The following NCALD variants were observed in gnomAD, a reference collection of about 807,000 sequenced individuals.
NCALD encodes the protein neurocalcin-delta.
A neutral mutation model predicts 18.6 loss-of-function variants in NCALD; 10 were observed. That is an observed-to-expected ratio of 0.54 (90% CI 0.33 to 0.91). The LOEUF (loss-of-function observed/expected upper bound fraction) is 0.91. Among genes scored for constraint, NCALD ranks in the 40% least tolerant of loss-of-function variants. The probability of loss-of-function intolerance (pLI) is 0.03; values close to 1 mark genes in which losing one functional copy is unlikely to be tolerated. For synonymous variants in NCALD, 88 were observed against 87.4 expected, an observed-to-expected ratio of 1.01 and a Z score of -0.04; for missense variants, 184 against 247.6, an observed-to-expected ratio of 0.74 and a Z score of 1.72.
intron 1 of NCALD, among the ~76,000 whole-genome samples, chr8:102,089,394 A>C (rs1824849792): frequency 6.8e-6 from 1 of 147,668 alleles, no homozygotes; most frequent in South Asian, 2.1e-4. Context: ...ACTTAGTCTC[A>C]AAGGAAAAAA....
At chr8:101,874,865 AG>A (rs1816166474) in intron 4 of NCALD, among the ~76,000 whole-genome samples, 1 of 152,118 alleles carries the variant, frequency 6.6e-6, no homozygotes, top group African/African-American at 2.4e-5. Context: ...CTTCCTAAGT[AG>A]AACAGGAGGG....
chr8:101,831,329 A>T (rs937952310), intron 4 of NCALD, among the ~76,000 whole-genome samples: 2 of 152,116 alleles, frequency 1.3e-5, no homozygotes, highest in African/African-American at 4.8e-5. Flanking sequence ...AGCCATGCCA[A>T]TGTCAGATAT....
intron 1 of NCALD, among the ~76,000 whole-genome samples, chr8:101,722,033 G>A (rs924190935): frequency 5.9e-5 from 9 of 151,988 alleles, no homozygotes; most frequent in African/African-American, 2.2e-4. Context: ...GTAGAGATGG[G>A]GGTCTCACTT....
chr8:102,093,299 AAT>A (rs1270389835), intron 1 of NCALD, among the ~76,000 whole-genome samples: 1 of 152,210 alleles, frequency 6.6e-6, no homozygotes, highest in Non-Finnish European at 1.5e-5. Flanking sequence ...GGGTCTGAAT[AAT>A]AGTTTGATTA....
chr8:101,975,223 T>C (rs575411151), intron 2 of NCALD: 3 of 152,214 alleles, frequency 2.0e-5, no homozygotes, highest in African/African-American at 7.2e-5. Context: ...TAAGAAAAAA[T>C]TGTGTGTACT....
chr8:101,874,939 A>ATGAT (rs1269634765), intron 4 of NCALD, among the ~76,000 whole-genome samples: 4 of 152,218 alleles, frequency 2.6e-5, no homozygotes, highest in Admixed American at 1.3e-4. Context: ...AATGGAAACA[A>ATGAT]TGATTCTCCT....
At chr8:101,891,706 G>A (rs779396309) in intron 3 of NCALD, among the ~76,000 whole-genome samples, 33 of 152,342 alleles carry the variant, frequency 2.2e-4, no homozygotes, top group Non-Finnish European at 3.2e-4. Flanking sequence ...CTTGGGAAGC[G>A]CAAGGGGTCA....
intron 1 of NCALD, among the ~76,000 whole-genome samples, chr8:102,098,863 T>C (rs1270347452): frequency 6.6e-6 from 1 of 152,210 alleles, no homozygotes; most frequent in Non-Finnish European, 1.5e-5. Flanking sequence ...GCCACAGTGA[T>C]TGGCTCAGGG....
At chr8:101,936,759 G>A (rs566525542) in intron 2 of NCALD, among the ~76,000 whole-genome samples, 9 of 152,098 alleles carry the variant, frequency 5.9e-5, no homozygotes, top group African/African-American at 9.7e-5. Flanking sequence ...GTTGAGAACC[G>A]CTGGTCTAGG....
intron 1 of NCALD, among the ~76,000 whole-genome samples, chr8:102,068,111 G>A (rs1165872124): frequency 1.3e-5 from 2 of 152,064 alleles, no homozygotes; most frequent in East Asian, 3.9e-4. Context: ...AAAGGAGAGT[G>A]AGAGAGAGAG....
intron 2 of NCALD, among the ~76,000 whole-genome samples, chr8:101,926,255 C>G (rs891930094): frequency 6.6e-6 from 1 of 152,240 alleles, no homozygotes; most frequent in Non-Finnish European, 1.5e-5. Flanking sequence ...TCCCTTGGTT[C>G]TCAACTTTCC....
At chr8:101,996,497 T>C (rs1049865871) in intron 2 of NCALD, among the ~76,000 whole-genome samples, 1 of 152,208 alleles carries the variant, frequency 6.6e-6, no homozygotes, top group African/African-American at 2.4e-5. Flanking sequence ...CACAACAATA[T>C]CTTCTTTGGT....
chr8:102,078,986 T>C (rs1824438464), intron 1 of NCALD, among the ~76,000 whole-genome samples: 1 of 152,160 alleles, frequency 6.6e-6, no homozygotes, highest in Non-Finnish European at 1.5e-5. Flanking sequence ...TGGTGAGTTG[T>C]AGACTGCAGA....
At chr8:101,848,272 GT>G (rs1285526951) in intron 4 of NCALD, among the ~76,000 whole-genome samples, 1 of 152,116 alleles carries the variant, frequency 6.6e-6, no homozygotes, top group African/African-American at 2.4e-5. Flanking sequence ...GCAGCAGGGA[GT>G]TACAGGGACC....
intron 1 of NCALD, among the ~76,000 whole-genome samples, chr8:102,040,757 C>G (rs1201971082): frequency 6.6e-6 from 1 of 152,172 alleles, no homozygotes; most frequent in Non-Finnish European, 1.5e-5. Context: ...CCACTATGAT[C>G]AGCATTACAT....
intron 1 of NCALD, among the ~76,000 whole-genome samples, chr8:102,076,413 G>A (rs901099963): frequency 6.6e-6 from 1 of 152,144 alleles, no homozygotes; most frequent in Non-Finnish European, 1.5e-5. Flanking sequence ...GGTTATAACA[G>A]AAAGCCTCCC....
intron 4 of NCALD, among the ~76,000 whole-genome samples, chr8:101,809,572 A>T (rs1436122734): frequency 6.6e-6 from 1 of 152,142 alleles, no homozygotes; most frequent in African/African-American, 2.4e-5. Context: ...TTTGAGACAG[A>T]GTCTCACTCT....
At chr8:102,096,938 C>T (rs781100017) in intron 1 of NCALD, among the ~76,000 whole-genome samples, 2 of 152,168 alleles carry the variant, frequency 1.3e-5, no homozygotes, top group African/African-American at 2.4e-5. Context: ...CTCATTTTAC[C>T]GTAATTACCT....
intron 1 of NCALD, among the ~76,000 whole-genome samples, chr8:102,037,498 GTAGA>G (rs2132163292): frequency 6.6e-6 from 1 of 152,142 alleles, no homozygotes; most frequent in African/African-American, 2.4e-5. Context: ...TAGTGTGTGT[GTAGA>G]TAGACATAAT....
Sources: gnomAD v4.1 joint callset for allele counts (sites outside exome capture counted in the v4.1 genomes callset) on GRCh38, gnomAD v4.1.1 for gene constraint, MANE v1.5 for transcripts, NCBI Gene and HGNC (gene_info 2026-07-23, HGNC 2026-07-21) for gene names.